The following NRG1 variants were observed in gnomAD, a reference collection of about 807,000 sequenced individuals.
NRG1 encodes pro-neuregulin-1, membrane-bound isoform.
In NRG1, 18 loss-of-function variants were observed where a neutral mutation model predicts 63.8. The ratio of observed to expected loss-of-function variants is 0.28; its 90% CI spans 0.19 to 0.42. The LOEUF is 0.42. NRG1 is among the 10% of genes least tolerant of loss of function. The pLI, the probability that NRG1 is intolerant of heterozygous loss-of-function variation, is 1.00. For missense variants in NRG1, 762 were observed against 814.7 expected, an observed-to-expected ratio of 0.94 and a Z score of 0.79; for synonymous variants, 302 against 301.3, an observed-to-expected ratio of 1.00 and a Z score of -0.02.
At chr8:32,637,687 T>C (rs1428233206) in intron 5 of NRG1, among the ~76,000 whole-genome samples, 1 of 152,140 alleles carries the variant, frequency 6.6e-6, no homozygotes, top group Non-Finnish European at 1.5e-5. Context: ...TTCTATACTT[T>C]CCTATGTAAG....
intron 1 of NRG1, among the ~76,000 whole-genome samples, chr8:31,841,191 CAG>C (rs1759430126): frequency 6.7e-6 from 1 of 148,768 alleles, no homozygotes; most frequent in African/African-American, 2.5e-5. Context: ...ATTGATGAAA[CAG>C]AGTTTTGAAA....
At chr8:31,659,621 A>C (rs377479167) in intron 1 of NRG1, among the ~76,000 whole-genome samples, 28 of 152,216 alleles carry the variant, frequency 1.8e-4, no homozygotes, top group African/African-American at 5.5e-4. Flanking sequence ...ACTTTCCAGC[A>C]CACCCAGGAA....
intron 1 of NRG1, among the ~76,000 whole-genome samples, chr8:31,787,438 A>C (rs1820286263): frequency 6.6e-6 from 1 of 152,148 alleles, no homozygotes; most frequent in Non-Finnish European, 1.5e-5. Flanking sequence ...GATTGTACTG[A>C]CTTTGCAAAT....
chr8:32,407,293 ATTATATATATATATATATATATATAT>A (rs1445759636), intron 1 of NRG1, among the ~76,000 whole-genome samples: 2,290 of 84,538 alleles, frequency 0.027, 62 homozygotes, highest in Middle Eastern at 0.045. Context: ...ATATATATAT[ATTATATATATATATATATATATATAT>A]TATATATATA....
intron 1 of NRG1, among the ~76,000 whole-genome samples, chr8:32,157,716 C>A (rs888068963): frequency 2.0e-5 from 3 of 149,474 alleles, no homozygotes; most frequent in Non-Finnish European, 4.4e-5. Flanking sequence ...ATATACATAT[C>A]TATATATAGA....
chr8:32,131,909 A>AT (rs1563822699), intron 1 of NRG1, among the ~76,000 whole-genome samples: 1 of 152,134 alleles, frequency 6.6e-6, no homozygotes. Context: ...AGATTCCTGG[A>AT]TTTTTTTCCC....
At chr8:31,807,486 T>C (rs1185493244) in intron 1 of NRG1, among the ~76,000 whole-genome samples, 2 of 152,088 alleles carry the variant, frequency 1.3e-5, no homozygotes, top group African/African-American at 4.8e-5. Context: ...TCACTAAATA[T>C]TTATGGAAGG....
intron 1 of NRG1, among the ~76,000 whole-genome samples, chr8:31,929,458 G>GATAAGCATTATTTT (rs1834686217): frequency 6.6e-6 from 1 of 151,452 alleles, no homozygotes; most frequent in Non-Finnish European, 1.5e-5. Flanking sequence ...ATTATCTCTT[G>GATAAGCATTATTTT]ATAAGCATTA....
intron 1 of NRG1, among the ~76,000 whole-genome samples, chr8:31,782,732 A>G (rs1399852936): frequency 6.6e-6 from 1 of 152,152 alleles, no homozygotes; most frequent in Non-Finnish European, 1.5e-5. Flanking sequence ...GTGCTTTACA[A>G]AATTTAACGT....
intron 1 of NRG1, among the ~76,000 whole-genome samples, chr8:32,047,886 T>G (rs1821265962): frequency 6.6e-6 from 1 of 151,956 alleles, no homozygotes; most frequent in African/African-American, 2.4e-5. Flanking sequence ...ACTGAAATTA[T>G]GTATCCTTTA....
intron 1 of NRG1, among the ~76,000 whole-genome samples, chr8:31,955,111 T>C (rs1450277213): frequency 6.6e-6 from 1 of 152,228 alleles, no homozygotes; most frequent in Non-Finnish European, 1.5e-5. Context: ...AAAATAGTTG[T>C]GCTTTTTTCC....
chr8:32,233,627 C>A, intron 1 of NRG1, among the ~76,000 whole-genome samples: 1 of 143,768 alleles, frequency 7.0e-6, no homozygotes, highest in Non-Finnish European at 1.5e-5. Context: ...TGCAGTGGTG[C>A]GATCTCAGAT....
intron 1 of NRG1, among the ~76,000 whole-genome samples, chr8:31,960,015 G>A (rs1428540248): frequency 1.3e-5 from 2 of 151,918 alleles, no homozygotes; most frequent in East Asian, 1.9e-4. Flanking sequence ...AGAGCAAAGT[G>A]GAAAGGGAGA....
intron 1 of NRG1, among the ~76,000 whole-genome samples, chr8:32,266,832 G>A (rs1353090689): frequency 7.8e-5 from 11 of 140,568 alleles, no homozygotes; most frequent in African/African-American, 2.4e-4. Context: ...TCAGGAGATC[G>A]AAATCATCCT....
intron 1 of NRG1, among the ~76,000 whole-genome samples, chr8:32,245,244 T>C (rs547542367): frequency 6.6e-6 from 1 of 152,254 alleles, no homozygotes; most frequent in East Asian, 1.9e-4. Flanking sequence ...AACCTAGAGT[T>C]CCAACAGGAA....
chr8:32,095,646 G>A (rs1829804762), intron 1 of NRG1, among the ~76,000 whole-genome samples: 1 of 152,134 alleles, frequency 6.6e-6, no homozygotes, highest in South Asian at 2.1e-4. Flanking sequence ...TGACTGTCCT[G>A]ATATCTGCTA....
intron 1 of NRG1, among the ~76,000 whole-genome samples, chr8:32,210,740 A>C (rs1844619407): frequency 6.6e-6 from 1 of 152,204 alleles, no homozygotes. Context: ...ATTTGATAAG[A>C]ATTAGTAAAG....
rs143399265 is a variant in NRG1 at position 32,654,356 on chromosome 8, C to T, written c.502+37471C>T. On this transcript the variant is annotated intron_variant, in intron 5 of 11. Transcript: ENST00000356819. ...TAGAGAAGAGAATTTTGGCCAGGTG[C>T]GGTGGCTTACGCCTGTAATCCCAGC... Among the ~76,000 whole-genome samples the T allele has an allele frequency of 2.4e-3, 361 of 152,226 alleles. 3 individuals carry two copies. The highest frequency in any genetic ancestry group is 8.4e-3 in the African/African-American group (348 of 41,538).
chr8:31,742,481 T>TTTTTTTTTTTTTTTTA (rs1815391455), intron 1 of NRG1, among the ~76,000 whole-genome samples: 1 of 134,216 alleles, frequency 7.5e-6, no homozygotes, highest in Non-Finnish European at 1.6e-5. Flanking sequence ...TTTTTTTTTT[T>TTTTTTTTTTTTTTTTA]AACGAAAGCT....
Sources: gnomAD v4.1 joint callset for allele counts (sites outside exome capture counted in the v4.1 genomes callset) on GRCh38, gnomAD v4.1.1 for gene constraint, MANE v1.5 for transcripts, NCBI Gene and HGNC (gene_info 2026-07-23, HGNC 2026-07-21) for gene names.